The following USP6NL variants were observed in gnomAD, a reference collection of about 807,000 sequenced individuals.
USP6NL encodes the protein USP6 N-terminal like, also known as USP6 N-terminal-like protein.
A neutral mutation model predicts 61.9 loss-of-function variants in USP6NL; 26 were observed. The observed-to-expected ratio is 0.42, with a 90% CI of 0.31 to 0.58. The LOEUF is 0.58. Ranked by LOEUF, USP6NL falls within the 20% of genes least tolerant of loss-of-function variation. The pLI, the probability that USP6NL is intolerant of heterozygous loss-of-function variation, is 0.16. For synonymous variants in USP6NL, 432 were observed against 390.1 expected, an observed-to-expected ratio of 1.11 and a Z score of -1.27; for missense variants, 1,114 against 1,034.3, an observed-to-expected ratio of 1.08 and a Z score of -1.06.
At chr10:11,509,227 C>T (rs1834593640) in intron 6 of USP6NL, among the ~76,000 whole-genome samples, 1 of 152,220 alleles carries the variant, frequency 6.6e-6, no homozygotes, top group African/African-American at 2.4e-5. Context: ...AAGCCTGGAA[C>T]TGCTCCAGTG....
At position 11,532,225 on chromosome 10, in the gene USP6NL, G is replaced by C. The variant is rs1200108094; in HGVS notation, c.5-4658C>G. The stretch of plus-strand genomic sequence containing the variant: ...GCCTTGGGAATTAACAACAGCTTCA[G>C]TCCTCATAGAGTAACTTATCTATTC... On this transcript the variant is annotated intron_variant, in intron 2 of 14. Coordinates refer to ENST00000609104, the MANE Select transcript of USP6NL (RefSeq NM_014688.5). This position sits in a 1 kb window ranked among gnomAD's most constrained non-coding sequence, Gnocchi z 4.1. 6.2e-7 allele frequency: 1 copy of C among 1,603,492 alleles called. No homozygotes were observed. The highest frequency in any genetic ancestry group is 8.5e-7 in the Non-Finnish European group (1 of 1,174,614).
intron 2 of USP6NL, among the ~76,000 whole-genome samples, chr10:11,572,957 A>T (rs1837414901): frequency 6.6e-6 from 1 of 152,130 alleles, no homozygotes; most frequent in Admixed American, 6.5e-5. Context: ...CTCATTTAAG[A>T]TCTGTAAGTT....
In USP6NL at chr10:11,463,895, A is replaced by C; in HGVS notation, c.1079-46T>G. On this transcript the variant is annotated intron_variant, in intron 14 of 14. Coordinates refer to ENST00000609104, the MANE Select transcript of USP6NL (RefSeq NM_014688.5). This position sits in a 1 kb window ranked among gnomAD's most constrained non-coding sequence, Gnocchi z 6.3. ...TAAGTAAGATAATACACGAGTAAAC[A>C]GTAGCCAGTTGAAGCAATCCATTAG... The C allele has an allele frequency of 1.4e-6, 2 of 1,447,144 alleles. No homozygotes were observed. Among genetic ancestry groups the C allele is most frequent in the Non-Finnish European group, 1.8e-6 (2 of 1,095,342 alleles). 89.6% of individuals were successfully genotyped at this position (1,447,144 alleles called of 1,614,324 possible).
chr10:11,535,600 GCC>G (rs956511018), intron 2 of USP6NL, among the ~76,000 whole-genome samples: 4 of 152,188 alleles, frequency 2.6e-5, no homozygotes, highest in African/African-American at 9.6e-5. Context: ...AGACTGAATA[GCC>G]CACCCCAAAG....
At chr10:11,599,609 G>T (rs1298961252) in intron 1 of USP6NL, among the ~76,000 whole-genome samples, 1 of 151,800 alleles carries the variant, frequency 6.6e-6, no homozygotes, top group East Asian at 1.9e-4. Flanking sequence ...AATAATGCAT[G>T]TTTTGGAATG....
chr10:11,586,660 C>T (rs1837976091), intron 2 of USP6NL, among the ~76,000 whole-genome samples: 1 of 151,938 alleles, frequency 6.6e-6, no homozygotes, highest in South Asian at 2.1e-4. Context: ...ATTTTTCCCC[C>T]ATTTTCAAAA....
chr10:11,510,026 T>C lies in USP6NL; in HGVS notation c.196-351A>G, dbSNP rs1834632105. On this transcript the variant is annotated intron_variant, in intron 5 of 14. Transcript: ENST00000609104. The surrounding 1 kb of genome is among the most constrained non-coding windows in gnomAD (Gnocchi z 4.8). The stretch of plus-strand genomic sequence containing the variant: ...AAAACACTACTTTGAAATTTAATTC[T>C]CTTCTTTCTTATTTTACTGAATTCT... Among the ~76,000 whole-genome samples, 1 of 121,266 alleles carries C rather than the reference T, an allele frequency of 8.2e-6. No homozygotes were observed. Among genetic ancestry groups the C allele is most frequent in the Non-Finnish European group, 2.0e-5 (1 of 51,186 alleles). 79.6% of individuals were successfully genotyped at this position (121,266 alleles called of 152,430 possible).
chr10:11,600,367 C>A lies in USP6NL; in HGVS notation c.-83-2650G>T, dbSNP rs2133676421. Among the ~76,000 whole-genome samples, 1 of 152,198 alleles carries A rather than the reference C, an allele frequency of 6.6e-6. No individual in the cohort carries two copies. The highest frequency in any genetic ancestry group is 2.1e-4 in the South Asian group (1 of 4,816). ...ATGTATGCCCCAGGTAGCAATGGCC[C>A]ACAATGAATAAATAACCTAACATGT... On this transcript the variant is annotated intron_variant, in intron 1 of 14. Coordinates refer to ENST00000609104, the MANE Select transcript of USP6NL (RefSeq NM_014688.5). The surrounding 1 kb of genome is among the most constrained non-coding windows in gnomAD (Gnocchi z 4.1).
intron 1 of USP6NL, among the ~76,000 whole-genome samples, chr10:11,604,183 G>A (rs77084712): frequency 0.01 from 1,565 of 152,210 alleles, 27 homozygotes; most frequent in African/African-American, 0.036. Context: ...TGGTTCACAC[G>A]TTAGTACTGA....
rs140836408 is a variant in USP6NL at position 11,542,697 on chromosome 10, C to T, written c.5-15130G>A. Reference sequence around the variant, plus strand: ...TCAGGCCACTGCACTCCAGCCTGGACGACAGGATGTGACTCTGCCTCAAAA... The same window carrying T: ...TCAGGCCACTGCACTCCAGCCTGGATGACAGGATGTGACTCTGCCTCAAAA... On this transcript the variant is annotated intron_variant, in intron 2 of 14. Transcript: ENST00000609104. 2.1e-3 allele frequency among the ~76,000 whole-genome samples: 322 copies of T among 152,064 alleles called. 1 individual carries two copies. Among genetic ancestry groups the T allele is most frequent in the African/African-American group, 7.1e-3 (295 of 41,454 alleles).
rs1588422307 is a variant in USP6NL, at chr10:11,597,672, T to C, written c.-38A>G. 1 of 1,546,922 alleles carries C rather than the reference T, an allele frequency of 6.5e-7. No homozygotes were observed. The highest frequency in any genetic ancestry group is 1.2e-5 in the South Asian group (1 of 83,934). ...GTCTGAATGTTGTCCCAATCAGATA[T>C]TAAACCAAAATCTGCTGTCCAAGGT... On this transcript the variant is annotated 5_prime_UTR_variant, in exon 2 of 15. Transcript: ENST00000609104. This position sits in a 1 kb window ranked among gnomAD's most constrained non-coding sequence, Gnocchi z 4.6.
At chr10:11,509,920 G>T (rs10905966) in intron 5 of USP6NL, among the ~76,000 whole-genome samples, 81,273 of 151,900 alleles carry the variant, frequency 0.54, 22,256 homozygotes, top group East Asian at 0.88. Context: ...TCCAAGACTT[G>T]AAAAGTAACC....
At chr10:11,506,762 G>T (rs374244724) in intron 6 of USP6NL, among the ~76,000 whole-genome samples, 5 of 150,628 alleles carry the variant, frequency 3.3e-5, no homozygotes, top group Admixed American at 6.6e-5. Flanking sequence ...TTAAAGCTTG[G>T]GTTCTAAAAA....
In USP6NL at chr10:11,485,259, T is replaced by A; in HGVS notation, c.760-25A>T. ...CCTGAAAAAACAAAGAGCTCACAAT[T>A]TATGGATTGTAGCAAACTAAATTTA... On this transcript the variant is annotated intron_variant, in intron 11 of 14. Coordinates refer to ENST00000609104, the MANE Select transcript of USP6NL (RefSeq NM_014688.5). This position sits in a 1 kb window ranked among gnomAD's most constrained non-coding sequence, Gnocchi z 4.8. The A allele has an allele frequency of 1.3e-6, 2 of 1,503,400 alleles. No individual in the cohort carries two copies. Among genetic ancestry groups the A allele is most frequent in the Non-Finnish European group, 1.8e-6 (2 of 1,128,968 alleles). 93.1% of individuals were successfully genotyped at this position (1,503,400 alleles called of 1,614,324 possible).
At position 11,557,119 on chromosome 10, in the gene USP6NL, T is replaced by C. The variant is rs534147927; in HGVS notation, c.5-29552A>G. ...AATTATAAATGTCATTAATTATACA[T>C]CAGATTAACTTTGCTGGATATTCTG... On this transcript the variant is annotated intron_variant, in intron 2 of 14. Transcript: ENST00000609104. Among the ~76,000 whole-genome samples the C allele has an allele frequency of 1.1e-4, 17 of 152,352 alleles. No homozygotes were observed. In the South Asian group the frequency reaches 3.5e-3, roughly 32 times the overall value.
intron 14 of USP6NL, among the ~76,000 whole-genome samples, chr10:11,480,809 C>G (rs903902547): frequency 1.3e-5 from 2 of 152,170 alleles, no homozygotes; most frequent in Non-Finnish European, 2.9e-5. Flanking sequence ...AACTGACTTT[C>G]TTTACTTTTC....
chr10:11,501,985 G>A (rs546733870), intron 6 of USP6NL, among the ~76,000 whole-genome samples: 2 of 152,270 alleles, frequency 1.3e-5, no homozygotes, highest in African/African-American at 2.4e-5. Context: ...TCAGCTGGGC[G>A]CAGTGGCTCA....
At position 11,582,343 on chromosome 10, in the gene USP6NL, C is replaced by T. The variant is rs865869101; in HGVS notation, c.4+15288G>A. Among the ~76,000 whole-genome samples, 6 of 152,140 alleles carry T rather than the reference C, an allele frequency of 3.9e-5. No individual in the cohort carries two copies. The East Asian group carries it at 7.7e-4, about 20-fold the overall frequency. On this transcript the variant is annotated intron_variant, in intron 2 of 14. Transcript: ENST00000609104. ...CTCGAACTCTGGACCTCAGGTGATC[C>T]GCCCGCCTCAGTCTCCCAAATTACT...
At chr10:11,578,989 C>T (rs1173628574) in intron 2 of USP6NL, among the ~76,000 whole-genome samples, 2 of 152,142 alleles carry the variant, frequency 1.3e-5, no homozygotes, top group Admixed American at 6.5e-5. Flanking sequence ...TCGGGGTTTT[C>T]CCCCTCCCAC....
Sources: gnomAD v4.1 joint callset for allele counts (sites outside exome capture counted in the v4.1 genomes callset) on GRCh38, gnomAD v4.1.1 for gene constraint, Gnocchi (gnomAD v3.1) non-coding constraint, MANE v1.5 for transcripts, NCBI Gene and HGNC (gene_info 2026-07-23, HGNC 2026-07-21) for gene names.